Variants in SYNPR observed in about 807,000 individuals in gnomAD.
SYNPR encodes synaptoporin.
A neutral mutation model predicts 32.9 loss-of-function variants in SYNPR; 23 were observed. That is an observed-to-expected ratio of 0.70 (90% CI 0.50 to 0.99). The LOEUF is 0.99. Among genes scored for constraint, SYNPR ranks in the 50% least tolerant of loss-of-function variants. The probability of loss-of-function intolerance (pLI) is 0.00; values close to 1 mark genes in which losing one functional copy is unlikely to be tolerated. For missense variants in SYNPR, 318 were observed against 349.3 expected (o/e 0.91, Z 0.71); for synonymous variants, 146 against 135.9 (o/e 1.07, Z -0.52).
the SYNPR span, among the ~76,000 whole-genome samples, chr3:63,200,704 C>T: frequency 6.6e-6 from 1 of 152,154 alleles, no homozygotes; most frequent in Non-Finnish European, 1.5e-5. Flanking sequence ...TTTAATTTCT[C>T]AATCTTTCCC....
chr3:63,251,077 T>C (rs1305772695), intron 1 of SYNPR, among the ~76,000 whole-genome samples: 2 of 152,142 alleles, frequency 1.3e-5, no homozygotes, highest in Non-Finnish European at 2.9e-5. Context: ...TTACTTTTTA[T>C]TTCACATATT....
chr3:63,604,983 A>T (rs1034815614), intron 4 of SYNPR, among the ~76,000 whole-genome samples: 1 of 152,194 alleles, frequency 6.6e-6, no homozygotes, highest in African/African-American at 2.4e-5. Context: ...ATATTTTTTA[A>T]CAAAATTGCG....
At chr3:63,270,510 G>C (rs2086525518) in intron 3 of SYNPR, among the ~76,000 whole-genome samples, 1 of 152,120 alleles carries the variant, frequency 6.6e-6, no homozygotes, top group Admixed American at 6.5e-5. Context: ...GGGACTGACT[G>C]GTAGCTAAAT....
At chr3:63,288,570 C>A (rs914502540) in intron 2 of SYNPR, among the ~76,000 whole-genome samples, 1 of 152,126 alleles carries the variant, frequency 6.6e-6, no homozygotes, top group Admixed American at 6.5e-5. Flanking sequence ...TGATCTTGTC[C>A]ATTTGTTGAA....
chr3:63,400,062 A>T (rs967152988), intron 2 of SYNPR, among the ~76,000 whole-genome samples: 7 of 152,208 alleles, frequency 4.6e-5, no homozygotes, highest in African/African-American at 1.7e-4. Context: ...AGCAAGCTCA[A>T]CCAGGGTTAA....
intron 2 of SYNPR, chr3:63,351,281 G>C (rs368485214): frequency 2.4e-4 from 36 of 152,282 alleles, no homozygotes; most frequent in African/African-American, 8.2e-4. Context: ...CAGTTTCAGG[G>C]GTAACAGGAC....
At chr3:63,272,417 A>C (rs571458010) in intron 3 of SYNPR, among the ~76,000 whole-genome samples, 1 of 152,078 alleles carries the variant, frequency 6.6e-6, no homozygotes, top group Non-Finnish European at 1.5e-5. Context: ...TGGGATGAAG[A>C]CTAGGCAAGA....
chr3:63,526,777 A>T (rs1702020960), intron 3 of SYNPR, among the ~76,000 whole-genome samples: 1 of 152,232 alleles, frequency 6.6e-6, no homozygotes, highest in Non-Finnish European at 1.5e-5. Flanking sequence ...CTGGAAACAA[A>T]GACCAAGGAA....
intron 2 of SYNPR, among the ~76,000 whole-genome samples, chr3:63,408,935 C>T (rs2088425240): frequency 6.6e-6 from 1 of 152,106 alleles, no homozygotes; most frequent in Non-Finnish European, 1.5e-5. Context: ...CAACTCTGCC[C>T]TCCACTCTTC....
chr3:63,421,980 C>T (rs959236266), intron 2 of SYNPR, among the ~76,000 whole-genome samples: 16 of 152,180 alleles, frequency 1.1e-4, no homozygotes, highest in Non-Finnish European at 2.2e-4. Flanking sequence ...TTGGGATAGC[C>T]TCTCTTTTGA....
intron 4 of SYNPR, among the ~76,000 whole-genome samples, chr3:63,602,331 CAAA>C (rs56403203): frequency 0.62 from 93,930 of 151,656 alleles, 29,284 homozygotes; most frequent in African/African-American, 0.68. Flanking sequence ...TTCTGCTGTC[CAAA>C]AAAAGCTCTT....
intron 4 of SYNPR, among the ~76,000 whole-genome samples, chr3:63,587,996 G>A (rs988732527): frequency 6.6e-6 from 1 of 151,984 alleles, no homozygotes; most frequent in Non-Finnish European, 1.5e-5. Context: ...TAGGTTACTG[G>A]TGGGGTAAGT....
At chr3:63,485,148 T>A (rs1001102932) in intron 3 of SYNPR, among the ~76,000 whole-genome samples, 2 of 151,878 alleles carry the variant, frequency 1.3e-5, no homozygotes, top group Non-Finnish European at 2.9e-5. Flanking sequence ...CATCATGAAG[T>A]CACATCTGGA....
At chr3:63,239,457 G>A (rs1248439959) in intron 1 of SYNPR, among the ~76,000 whole-genome samples, 1 of 149,832 alleles carries the variant, frequency 6.7e-6, no homozygotes. Context: ...CTTACCATGA[G>A]TGCATGGTAG....
chr3:63,327,804 T>C (rs564801707), intron 2 of SYNPR, among the ~76,000 whole-genome samples: 2 of 152,166 alleles, frequency 1.3e-5, no homozygotes, highest in African/African-American at 2.4e-5. Context: ...AAGGGGCTTC[T>C]GGGGTTCCAA....
intron 2 of SYNPR, among the ~76,000 whole-genome samples, chr3:63,345,054 A>C (rs2107008337): frequency 6.6e-6 from 1 of 152,320 alleles, no homozygotes; most frequent in African/African-American, 2.4e-5. Context: ...ATGTTATCTA[A>C]AGGGACAATT....
chr3:63,336,508 A>T lies in SYNPR; in HGVS notation c.84+57766A>T, dbSNP rs2087296458. On this transcript the variant is annotated intron_variant, in intron 2 of 5. Transcript: ENST00000478300. ...GAATAAATAGTACTAGAACAAGTGG[A>T]CATTCCCATGCAAAAAAAAAAAAAA... Among the ~76,000 whole-genome samples the T allele has an allele frequency of 1.5e-5, 2 of 129,434 alleles. 1 individual carries two copies. The highest frequency in any genetic ancestry group is 5.6e-4 in the South Asian group (2 of 3,568). 84.9% of individuals were successfully genotyped at this position (129,434 alleles called of 152,430 possible).
chr3:63,354,872 C>T (rs2087554902), intron 2 of SYNPR, among the ~76,000 whole-genome samples: 2 of 152,200 alleles, frequency 1.3e-5, no homozygotes, highest in Admixed American at 1.3e-4. Flanking sequence ...TTGTTGAGCA[C>T]TTTCACATGT....
intron 2 of SYNPR, among the ~76,000 whole-genome samples, chr3:63,374,744 A>G (rs1386185672): frequency 6.6e-6 from 1 of 152,138 alleles, no homozygotes; most frequent in Non-Finnish European, 1.5e-5. Context: ...AAATTTGCTA[A>G]TAAGTTTACA....
Sources: allele counts gnomAD v4.1 joint callset (sites outside exome capture counted in the v4.1 genomes callset), GRCh38; gene constraint gnomAD v4.1.1; transcripts MANE v1.5; gene names NCBI Gene and HGNC (gene_info 2026-07-23, HGNC 2026-07-21).